The following PFKP variants were observed in gnomAD, a reference collection of about 807,000 sequenced individuals.
PFKP encodes the protein ATP-dependent 6-phosphofructokinase, platelet type.
Under a neutral mutation model 94.3 loss-of-function variants are expected in PFKP, and 101 were observed. The ratio of observed to expected loss-of-function variants is 1.07; its 90% CI spans 0.91 to 1.26. The LOEUF (loss-of-function observed/expected upper bound fraction) is 1.26, where lower values mean the gene tolerates loss of function less well. Ranked by LOEUF, PFKP falls within the 50% of genes most tolerant of loss-of-function variation. PFKP has a pLI of 0.00. For missense variants in PFKP, 1,145 were observed against 1,103.3 expected (o/e 1.04, Z -0.53); for synonymous variants, 573 against 432.6 (o/e 1.32, Z -4.03).
At chr10:3,083,639 CTTATTTTATT>C (rs71497859) in intron 2 of PFKP, among the ~76,000 whole-genome samples, 17 of 151,246 alleles carry the variant, frequency 1.1e-4, no homozygotes, top group Non-Finnish European at 1.6e-4. Context: ...GTTGCTTTAA[CTTATTTTATT>C]TTATTTTTTT....
chr10:3,086,966 T>C (rs931836854), intron 2 of PFKP, among the ~76,000 whole-genome samples: 5 of 152,070 alleles, frequency 3.3e-5, no homozygotes, highest in Admixed American at 2.6e-4. Flanking sequence ...GCCCTGGGCT[T>C]TCTCTGATGT....
intron 1 of PFKP, among the ~76,000 whole-genome samples, chr10:3,079,426 G>C (rs1008926193): frequency 2.0e-5 from 3 of 151,924 alleles, no homozygotes; most frequent in African/African-American, 7.3e-5. Flanking sequence ...AGTAGAGACG[G>C]GGTTTCACCA....
At chr10:3,118,689 G>T in intron 14 of PFKP, 93 bp from the exon 15 acceptor site, 1 of 807,514 alleles carries the variant, frequency 1.2e-6, no homozygotes, top group East Asian at 2.6e-5. Flanking sequence ...ACCACAGACT[G>T]GGGAAGGCGG....
intron 16 of PFKP, among the ~76,000 whole-genome samples, chr10:3,121,035 A>G (rs546890242): frequency 6.6e-6 from 1 of 152,062 alleles, no homozygotes; most frequent in South Asian, 2.1e-4. Flanking sequence ...AAACCTTGGC[A>G]TGAAACTTAT....
intron 7 of PFKP, among the ~76,000 whole-genome samples, 170 bp downstream of exon 7, chr10:3,105,671 A>G (rs182207560): frequency 3.6e-4 from 55 of 152,218 alleles, no homozygotes; most frequent in African/African-American, 1.1e-3. Context: ...GTTTTCCTCT[A>G]TGAAGGCTGA....
At chr10:3,082,002 T>TTTTTTG (rs1833120943) in intron 1 of PFKP, among the ~76,000 whole-genome samples, 1 of 71,730 alleles carries the variant, frequency 1.4e-5, no homozygotes, top group Non-Finnish European at 3.2e-5. Context: ...TTTTTTTTTT[T>TTTTTTG]TTTTTTTACA....
rs775425533 is a variant in PFKP, at chr10:3,129,935, T to C, written c.1800T>C (p.Ala600=). Residue 600 remains alanine, a synonymous_variant, in exon 17 of 22, where the codon GCT becomes GCC. Transcript: ENST00000381125. ...LANMGGLAAG[A]DAAYIFEEPF... is the part of the protein sequence containing the mutation. ...ACATGGGGGGGCTCGCGGCCGGAGC[T>C]GATGCCGCATACATTTTCGAAGAGC... The C allele has an allele frequency of 1.2e-6, 2 of 1,607,626 alleles. No homozygotes were observed. The highest frequency in any genetic ancestry group is 1.7e-5 in the Admixed American group (1 of 59,472).
chr10:3,122,987 G>A (rs2131662186), intron 16 of PFKP, among the ~76,000 whole-genome samples: 1 of 152,326 alleles, frequency 6.6e-6, no homozygotes, highest in East Asian at 1.9e-4. Context: ...GAAGCCCTGG[G>A]CGGGGCTGAT....
At chr10:3,071,445 T>TTTTTTTTTTTTTTTTTTTTTTTTTTTTTG in intron 1 of PFKP, among the ~76,000 whole-genome samples, 1 of 138,694 alleles carries the variant, frequency 7.2e-6, no homozygotes, top group Non-Finnish European at 1.6e-5. Flanking sequence ...TTTTTTTTTT[T>TTTTTTTTTTTTTTTTTTTTTTTTTTTTTG]TTTTCTTTCT....
chr10:3,101,090 C>T (rs1834955427), intron 3 of PFKP: 3 of 1,101,822 alleles, frequency 2.7e-6, no homozygotes, highest in Non-Finnish European at 4.1e-6. Context: ...AGGCTGGTTC[C>T]TGCTCCATGT....
chr10:3,122,430 T>C lies in PFKP; in HGVS notation c.1683+2386T>C, dbSNP rs549199465. Among the ~76,000 whole-genome samples, 19 of 152,310 alleles carry C rather than the reference T, an allele frequency of 1.2e-4. No individual in the cohort carries two copies. In the South Asian group the frequency reaches 2.9e-3, roughly 23 times the overall value. On this transcript the variant is annotated intron_variant, in intron 16 of 21. Coordinates refer to ENST00000381125, the MANE Select transcript of PFKP (RefSeq NM_002627.5). ...AGGGAGAGGGACCGATATGTGAACA[T>C]GGCAGCTGTTTTCTCCAGAGCCCTG...
intron 4 of PFKP, among the ~76,000 whole-genome samples, chr10:3,101,982 T>G (rs1022408056): frequency 1.3e-5 from 2 of 150,712 alleles, no homozygotes; most frequent in Non-Finnish European, 3.0e-5. Context: ...CCGGGCGCGG[T>G]GGCTCACGCC....
chr10:3,075,122 C>T (rs1832479521), intron 1 of PFKP, among the ~76,000 whole-genome samples: 1 of 152,246 alleles, frequency 6.6e-6, no homozygotes, highest in Non-Finnish European at 1.5e-5. Context: ...ATATCTCATG[C>T]TACTGCTTGT....
chr10:3,097,793 T>C (rs1173892868), intron 2 of PFKP, among the ~76,000 whole-genome samples: 1 of 152,122 alleles, frequency 6.6e-6, no homozygotes, highest in Non-Finnish European at 1.5e-5. Context: ...TCACTTGAGG[T>C]CAAGAGTTGG....
intron 5 of PFKP, 40 bp downstream of exon 5, chr10:3,103,984 C>T (rs747603573): frequency 1.3e-6 from 2 of 1,591,560 alleles, no homozygotes; most frequent in Non-Finnish European, 1.7e-6. Context: ...CCAGTGGGGC[C>T]CGACGTGTGC....
rs1838391823 is a variant in PFKP, at chr10:3,129,983, G to C, written c.1848G>C (p.Gln616His). 1.3e-6 allele frequency: 2 copies of C among 1,570,222 alleles called. No homozygotes were observed. The highest frequency in any genetic ancestry group is 1.7e-6 in the Non-Finnish European group (2 of 1,155,210). Residue 616 changes from glutamine to histidine, a missense_variant and splice_region_variant, in exon 17 of 22, where the codon CAG (glutamine) becomes CAC (histidine). Physicochemically the swap from Gln to His is conservative, Grantham distance 24. Around this residue, in one of 3 missense-constraint regions of PFKP, gnomAD observed 1,119 missense variants for 1,062.8 expected, o/e 1.05. Transcript: ENST00000381125. ...AGCCCTTCGACATCAGGGATCTGCA[G>C]GTATGTGACGGGGCTGGCCTCAGGG... is the stretch of plus-strand genomic sequence containing the variant. Reference protein sequence around the residue: ...FEEPFDIRDLQSNVEHLTEKM... With the variant: ...FEEPFDIRDLHSNVEHLTEKM...
At chr10:3,112,330 C>G (rs371219059) in intron 11 of PFKP, 44 bp downstream of exon 11, 1 of 1,432,754 alleles carries the variant, frequency 7.0e-7, no homozygotes, top group Non-Finnish European at 9.8e-7. Context: ...GGAACACACA[C>G]CCCTCAGGCC....
chr10:3,097,520 C>T (rs1224381997), intron 2 of PFKP, among the ~76,000 whole-genome samples: 3 of 152,040 alleles, frequency 2.0e-5, no homozygotes, highest in Admixed American at 1.3e-4. Flanking sequence ...GCTGTTTTGC[C>T]ATGGAGGTAG....
At chr10:3,074,410 C>T (rs1588381527) in intron 1 of PFKP, among the ~76,000 whole-genome samples, 1 of 152,112 alleles carries the variant, frequency 6.6e-6, no homozygotes, top group East Asian at 1.9e-4. Flanking sequence ...AGGACTTTGG[C>T]TTTGCCTTGG....
Sources: gnomAD v4.1 joint callset for allele counts (sites outside exome capture counted in the v4.1 genomes callset) on GRCh38, gnomAD v4.1.1 for gene constraint, gnomAD v4.1.1 regional missense constraint, MANE v1.5 for transcripts, NCBI Gene and HGNC (gene_info 2026-07-23, HGNC 2026-07-21) for gene names.